The following WDR33 variants were observed in gnomAD, a reference collection of about 807,000 sequenced individuals.
WDR33 encodes the protein pre-mRNA 3' end processing protein WDR33.
In WDR33, 47 loss-of-function variants were observed where a neutral mutation model predicts 164.9. That is an observed-to-expected ratio of 0.29 (90% CI 0.23 to 0.36). The LOEUF (loss-of-function observed/expected upper bound fraction) is 0.36. Among genes scored for constraint, WDR33 ranks in the 10% least tolerant of loss-of-function variants. The pLI is 1.00. For synonymous variants in WDR33, 505 were observed against 589.0 expected (o/e 0.86, Z 2.06); for missense variants, 1,137 against 1,754.1 (o/e 0.65, Z 6.28).
intron 1 of WDR33, among the ~76,000 whole-genome samples, chr2:127,788,334 C>T (rs1295487115): frequency 8.5e-6 from 1 of 118,340 alleles, no homozygotes; most frequent in Admixed American, 7.5e-5. Flanking sequence ...GGCGGCTGGC[C>T]GGGCAGAGGG....
chr2:127,797,487 G>A (rs186852725), intron 1 of WDR33, among the ~76,000 whole-genome samples: 12 of 151,996 alleles, frequency 7.9e-5, no homozygotes, highest in Non-Finnish European at 1.2e-4. Flanking sequence ...ACAAGACTAC[G>A]TCACACACAA....
chr2:127,764,526 T>A lies in WDR33; in HGVS notation c.626+302A>T. On this transcript the variant is annotated intron_variant, in intron 6 of 21. Transcript: ENST00000322313. This position sits in a 1 kb window ranked among gnomAD's most constrained non-coding sequence, Gnocchi z 6.2. Reference sequence around the variant, plus strand: ...AAATATTCTTGTCTTACACAGTAGATAATAAAAAGGAATAACGTATACACA... The same window carrying A: ...AAATATTCTTGTCTTACACAGTAGAAAATAAAAAGGAATAACGTATACACA... 1 of 1,524,004 alleles carries A rather than the reference T, an allele frequency of 6.6e-7. No individual in the cohort carries two copies. The highest frequency in any genetic ancestry group is 8.8e-7 in the Non-Finnish European group (1 of 1,139,494). 94.4% of individuals were successfully genotyped at this position (1,524,004 alleles called of 1,614,324 possible).
intron 1 of WDR33, among the ~76,000 whole-genome samples, chr2:127,785,329 A>G (rs1012876072): frequency 4.6e-5 from 7 of 152,148 alleles, no homozygotes; most frequent in African/African-American, 1.7e-4. Flanking sequence ...ATTATCACCC[A>G]AAGTCCATAG....
chr2:127,737,466 A>G (rs1686879860), intron 7 of WDR33: 1 of 985,650 alleles, frequency 1.0e-6, no homozygotes, highest in Non-Finnish European at 1.2e-6. Context: ...TACAGTCAAG[A>G]AAAGCAGTAT....
chr2:127,758,756 A>G (rs2105426903), intron 7 of WDR33, among the ~76,000 whole-genome samples: 1 of 152,304 alleles, frequency 6.6e-6, no homozygotes, highest in Admixed American at 6.5e-5. Context: ...ATCTGCTTCC[A>G]TATGCCCATA....
intron 7 of WDR33, chr2:127,736,151 G>A (rs1405880288): frequency 1.0e-6 from 1 of 985,248 alleles, no homozygotes; most frequent in African/African-American, 1.7e-5. Flanking sequence ...GGAGAATTTG[G>A]TCACGAGTCT....
intron 8 of WDR33, among the ~76,000 whole-genome samples, chr2:127,725,721 G>A (rs570734603): frequency 6.8e-6 from 1 of 146,626 alleles, no homozygotes; most frequent in Non-Finnish European, 1.5e-5. Flanking sequence ...GTGACAGAGC[G>A]AGACTCTGTC....
rs963238205 is a variant in WDR33, at chr2:127,710,158, G to A, written c.3309-302C>T. Among the ~76,000 whole-genome samples the A allele has an allele frequency of 1.3e-5, 2 of 152,154 alleles. No individual in the cohort carries two copies. Among genetic ancestry groups the A allele is most frequent in the African/African-American group, 2.4e-5 (1 of 41,422 alleles). ...TTCATTTTCACAGCCACCATATGAA[G>A]CTGGTATTATCAGCAGTTCCACTGA... On this transcript the variant is annotated intron_variant, in intron 18 of 21. Coordinates refer to ENST00000322313, the MANE Select transcript of WDR33 (RefSeq NM_018383.5). This position sits in a 1 kb window ranked among gnomAD's most constrained non-coding sequence, Gnocchi z 4.4.
At chr2:127,737,433 A>T in intron 7 of WDR33, 1 of 985,590 alleles carries the variant, frequency 1.0e-6, no homozygotes, top group Non-Finnish European at 1.2e-6. Context: ...TTCTGCAGAT[A>T]TTCACAATTC....
intron 7 of WDR33, among the ~76,000 whole-genome samples, chr2:127,732,381 G>A (rs999152722): frequency 2.0e-5 from 3 of 151,720 alleles, no homozygotes; most frequent in African/African-American, 4.8e-5. Context: ...AGGAGGCGGA[G>A]GCTGCAGTGA....
rs1485799563 is a variant in WDR33, at chr2:127,721,479, G to C, written c.1671+357C>G. On this transcript the variant is annotated intron_variant, in intron 15 of 21. Coordinates refer to ENST00000322313, the MANE Select transcript of WDR33 (RefSeq NM_018383.5). The surrounding 1 kb of genome is among the most constrained non-coding windows in gnomAD (Gnocchi z 4.9). ...AAAAAAAAATTAGTCAGACGTGATG[G>C]TGCATGCCTGTGGTCTCTGCCACTC... 6.6e-6 allele frequency among the ~76,000 whole-genome samples: 1 copy of C among 152,120 alleles called. No homozygotes were observed. The highest frequency in any genetic ancestry group is 2.4e-5 in the African/African-American group (1 of 41,422).
chr2:127,795,378 C>T (rs781698999), intron 1 of WDR33, among the ~76,000 whole-genome samples: 1 of 151,846 alleles, frequency 6.6e-6, no homozygotes, highest in African/African-American at 2.4e-5. Context: ...GGATTAAAGG[C>T]GTGAGCCATC....
chr2:127,701,748 G>C lies in WDR33; in HGVS notation c.*4575C>G, dbSNP rs759027005. ...GACGTGCCTCCCGAGCGTGACGCGCGGGCAGCGGCTGGCGGCGGGCGGCGG... is the reference window on the plus strand; with the variant it reads ...GACGTGCCTCCCGAGCGTGACGCGCCGGCAGCGGCTGGCGGCGGGCGGCGG... On this transcript the variant is annotated 3_prime_UTR_variant, in exon 22 of 22. Coordinates refer to ENST00000322313, the MANE Select transcript of WDR33 (RefSeq NM_018383.5). 6 of 1,415,200 alleles carry C rather than the reference G, an allele frequency of 4.2e-6. No homozygotes were observed. In the South Asian group the frequency reaches 8.4e-5, roughly 20 times the overall value. The allele number at this position is 1,415,200 out of a possible 1,614,324, so 87.7% of individuals were successfully genotyped here.
At chr2:127,790,274 T>C (rs35768101) in intron 1 of WDR33, among the ~76,000 whole-genome samples, 20,146 of 152,280 alleles carry the variant, frequency 0.13, 1,454 homozygotes, top group South Asian at 0.26. Flanking sequence ...ACCAGCCTTG[T>C]ATTCCCAGAA....
At chr2:127,752,836 A>T (rs1422328734) in intron 7 of WDR33, among the ~76,000 whole-genome samples, 1 of 152,252 alleles carries the variant, frequency 6.6e-6, no homozygotes, top group Non-Finnish European at 1.5e-5. Context: ...CAATGATAGC[A>T]CATTGGCCAC....
Position 127,702,274 on chromosome 2 carries a change from C to A in WDR33, c.*4049G>T, listed in dbSNP as rs1030363901. On this transcript the variant is annotated 3_prime_UTR_variant, in exon 22 of 22. Coordinates refer to ENST00000322313, the MANE Select transcript of WDR33 (RefSeq NM_018383.5). ...GACTGCACGCCGCTGTGCGGAAGCC[C>A]GTGGCGAAGGCCCTGCCCTAACAGC... 1 of 1,107,166 alleles carries A rather than the reference C, an allele frequency of 9.0e-7. No homozygotes were observed. The highest frequency in any genetic ancestry group is 1.1e-6 in the Non-Finnish European group (1 of 887,784). The allele number at this position is 1,107,166 out of a possible 1,614,324, so 68.6% of individuals were successfully genotyped here.
At chr2:127,789,793 C>T (rs1344341315) in intron 1 of WDR33, among the ~76,000 whole-genome samples, 3 of 151,906 alleles carry the variant, frequency 2.0e-5, no homozygotes, top group East Asian at 1.9e-4. Flanking sequence ...TTGTAGATGC[C>T]CTTTATCAGA....
intron 4 of WDR33, among the ~76,000 whole-genome samples, chr2:127,767,571 C>T (rs1200294999): frequency 2.0e-5 from 3 of 151,838 alleles, no homozygotes; most frequent in Non-Finnish European, 4.4e-5. Context: ...AAAAAGTAGC[C>T]GGGCATGGTG....
rs1027897289 is a variant in WDR33, at chr2:127,726,401, C to T, written c.851+250G>A. 2.0e-5 allele frequency among the ~76,000 whole-genome samples: 3 copies of T among 152,172 alleles called. No homozygotes were observed. The highest frequency in any genetic ancestry group is 2.0e-4 in the Admixed American group (3 of 15,276). On this transcript the variant is annotated intron_variant, in intron 8 of 21. Coordinates refer to ENST00000322313, the MANE Select transcript of WDR33 (RefSeq NM_018383.5). The surrounding 1 kb of genome is among the most constrained non-coding windows in gnomAD (Gnocchi z 4.8). ...GAATAGTAACCACCTCCCTCCTCAT[C>T]CTCCTCCCCACCCGTATATAACAAC...
Sources: gnomAD v4.1 joint callset for allele counts (sites outside exome capture counted in the v4.1 genomes callset) on GRCh38, gnomAD v4.1.1 for gene constraint, Gnocchi (gnomAD v3.1) non-coding constraint, MANE v1.5 for transcripts, NCBI Gene and HGNC (gene_info 2026-07-23, HGNC 2026-07-21) for gene names.